The following ANK2 variants were observed in gnomAD, a reference collection of about 807,000 sequenced individuals.
ANK2 encodes the protein ankyrin 2.
Under a neutral mutation model 360.5 loss-of-function variants are expected in ANK2, and 83 were observed. That is an observed-to-expected ratio of 0.23 (90% CI 0.19 to 0.28). The LOEUF (loss-of-function observed/expected upper bound fraction) is 0.28. ANK2 is among the 10% of genes least tolerant of loss of function. The pLI is 1.00. For missense variants in ANK2, 4,201 were observed against 4,795.7 expected, an observed-to-expected ratio of 0.88 and a Z score of 3.66; for synonymous variants, 1,740 against 1,759.5, an observed-to-expected ratio of 0.99 and a Z score of 0.28.
chr4:113,073,411 G>A (rs1455599353), intron 1 of ANK2, among the ~76,000 whole-genome samples: 2 of 152,122 alleles, frequency 1.3e-5, no homozygotes, highest in Admixed American at 1.3e-4. Context: ...AAGAACACTA[G>A]AATAGAGAAT....
At chr4:113,151,113 AAC>A in intron 1 of ANK2, 1 of 1,289,174 alleles carries the variant, frequency 7.8e-7, no homozygotes, top group Non-Finnish European at 1.0e-6. Context: ...AGAGGCCGCC[AAC>A]ATTGAAAAGG....
chr4:113,355,683 C>A lies in ANK2; in HGVS notation c.7065C>A (p.Thr2355=), dbSNP rs369706803. The A allele has an allele frequency of 1.9e-6, 3 of 1,614,116 alleles. No individual in the cohort carries two copies. Among genetic ancestry groups the A allele is most frequent in the Non-Finnish European group, 2.5e-6 (3 of 1,179,988 alleles). ...CAGCCTGTGATGAAGGTCAACGTAC[C>A]TTTGGTAGTTCAGCCCACAAGACAC... ...EEAACDEGQR[T]FGSSAHKTQT... The change falls in exon 38 of 46, where the codon ACC becomes ACA. Residue 2355 remains threonine, a synonymous_variant. Transcript: ENST00000357077.
chr4:113,307,412 C>CTTTTT (rs56756321), intron 23 of ANK2, among the ~76,000 whole-genome samples: 1 of 91,874 alleles, frequency 1.1e-5, no homozygotes, highest in Admixed American at 1.2e-4. Context: ...GCCATTCCAC[C>CTTTTT]TTTTTTTTTT....
intron 1 of ANK2, among the ~76,000 whole-genome samples, chr4:112,861,887 G>T (rs970563906): frequency 1.5e-5 from 2 of 132,948 alleles, no homozygotes; most frequent in African/African-American, 2.7e-5. Flanking sequence ...CAGTTTATGC[G>T]AGAGTCACAG....
At chr4:113,224,116 C>A (rs55825558) in intron 4 of ANK2, among the ~76,000 whole-genome samples, 18,999 of 152,146 alleles carry the variant, frequency 0.12, 1,610 homozygotes, top group Non-Finnish European at 0.19. Context: ...TCAGAAATCA[C>A]GCACCATCAA....
chr4:113,165,742 G>A (rs958527134), intron 1 of ANK2, among the ~76,000 whole-genome samples: 2 of 152,042 alleles, frequency 1.3e-5, no homozygotes, highest in Non-Finnish European at 2.9e-5. Flanking sequence ...AGAAACTAAG[G>A]TGCTTACCTG....
chr4:112,885,283 G>T (rs1360003156), intron 1 of ANK2, among the ~76,000 whole-genome samples: 2 of 151,666 alleles, frequency 1.3e-5, no homozygotes, highest in African/African-American at 2.4e-5. Flanking sequence ...GGTGGATCAC[G>T]AGGTCAGGAG....
intron 27 of ANK2, among the ~76,000 whole-genome samples, chr4:113,331,046 G>T (rs2092322605): frequency 6.6e-6 from 1 of 152,034 alleles, no homozygotes; most frequent in Non-Finnish European, 1.5e-5. Flanking sequence ...GCTCGTTTTG[G>T]CAATTTTGAG....
chr4:113,206,029 T>A (rs1283838024), intron 4 of ANK2, among the ~76,000 whole-genome samples: 3 of 152,200 alleles, frequency 2.0e-5, no homozygotes, highest in Non-Finnish European at 2.9e-5. Flanking sequence ...ACAGGTTTTA[T>A]TTTCAGGGTT....
At chr4:112,853,927 A>T (rs77199427) in intron 1 of ANK2, among the ~76,000 whole-genome samples, 6,000 of 152,326 alleles carry the variant, frequency 0.039, 273 homozygotes, top group African/African-American at 0.11. Context: ...ACAAACGTTT[A>T]ATAATCTCCA....
chr4:112,801,709 TAAA>T, the ANK2 span, among the ~76,000 whole-genome samples: 2 of 151,726 alleles, frequency 1.3e-5, no homozygotes, highest in Non-Finnish European at 2.9e-5. Flanking sequence ...ATTAGGAAAA[TAAA>T]AAAAGATGAG....
intron 2 of ANK2, among the ~76,000 whole-genome samples, chr4:113,026,001 G>T (rs1329843084): frequency 6.6e-6 from 1 of 152,070 alleles, no homozygotes; most frequent in African/African-American, 2.4e-5. Context: ...AAATGAAACT[G>T]GTTGGGCCCA....
intron 1 of ANK2, among the ~76,000 whole-genome samples, chr4:113,163,294 G>A (rs1194107571): frequency 1.3e-5 from 2 of 152,062 alleles, no homozygotes; most frequent in Non-Finnish European, 2.9e-5. Context: ...TTTGCACTCA[G>A]TGTCCATGTA....
chr4:112,921,171 C>T (rs561818179), intron 2 of ANK2, among the ~76,000 whole-genome samples: 221 of 149,884 alleles, frequency 1.5e-3, no homozygotes, highest in Non-Finnish European at 2.4e-3. Flanking sequence ...GGGCTACAGG[C>T]GTGTGCCACG....
rs1587510460 is a variant in ANK2 at position 113,295,783 on chromosome 4, TTAATGGTTA to T, written c.2475+2246_2475+2254del. Among the ~76,000 whole-genome samples the T allele has an allele frequency of 3.3e-5, 5 of 152,274 alleles. No homozygotes were observed. In the East Asian group the frequency reaches 9.6e-4, roughly 29 times the overall value. On this transcript the variant is annotated intron_variant, in intron 22 of 45. Coordinates refer to ENST00000357077, the MANE Select transcript of ANK2 (RefSeq NM_001148.6). ...ATCTCTGTTACCTAAATGGATAGTT[TTAATGGTTA>T]CATGTTTCGATGCTGGTCTCTCTTC...
intron 1 of ANK2, among the ~76,000 whole-genome samples, chr4:112,856,232 T>C (rs1365628301): frequency 6.6e-6 from 1 of 152,182 alleles, no homozygotes; most frequent in Non-Finnish European, 1.5e-5. Flanking sequence ...AGTACAGCAA[T>C]TTATTGCAAA....
intron 1 of ANK2, among the ~76,000 whole-genome samples, chr4:113,063,924 C>T (rs2074572631): frequency 6.6e-6 from 1 of 152,090 alleles, no homozygotes; most frequent in Admixed American, 6.6e-5. Context: ...TCTCAAATCC[C>T]ACATTATTTA....
intron 1 of ANK2, among the ~76,000 whole-genome samples, chr4:112,901,192 T>C (rs2083248762): frequency 6.6e-6 from 1 of 152,196 alleles, no homozygotes; most frequent in Admixed American, 6.5e-5. Context: ...TTTGGGGTAT[T>C]AGAGTGACCA....
At chr4:113,153,540 G>A (rs2097169526) in intron 1 of ANK2, among the ~76,000 whole-genome samples, 2 of 152,120 alleles carry the variant, frequency 1.3e-5, no homozygotes, top group South Asian at 4.1e-4. Flanking sequence ...TCACAGATTT[G>A]TCTATACCAT....
Sources: gnomAD v4.1 joint callset for allele counts (sites outside exome capture counted in the v4.1 genomes callset) on GRCh38, gnomAD v4.1.1 for gene constraint, MANE v1.5 for transcripts, NCBI Gene and HGNC (gene_info 2026-07-23, HGNC 2026-07-21) for gene names.